Variants in MBTD1 observed in about 807,000 individuals in gnomAD.
MBTD1 encodes the protein mbt domain containing 1, also known as MBT domain-containing protein 1.
A neutral mutation model predicts 87.8 loss-of-function variants in MBTD1; 24 were observed. The observed-to-expected ratio is 0.27, with a 90% CI of 0.20 to 0.38. MBTD1 has a LOEUF of 0.38. MBTD1 is among the 10% of genes least tolerant of loss of function. The pLI is 1.00. For missense variants in MBTD1, 436 were observed against 760.2 expected, an observed-to-expected ratio of 0.57 and a Z score of 5.02; for synonymous variants, 237 against 248.6, an observed-to-expected ratio of 0.95 and a Z score of 0.44.
chr17:51,258,608 T>C (rs2055236903), intron 2 of MBTD1, among the ~76,000 whole-genome samples: 1 of 152,160 alleles, frequency 6.6e-6, no homozygotes, highest in Non-Finnish European at 1.5e-5. Context: ...GCGGTAATCA[T>C]CTAATCATCC....
chr17:51,221,912 T>C (rs2052918918), intron 3 of MBTD1, among the ~76,000 whole-genome samples: 1 of 152,174 alleles, frequency 6.6e-6, no homozygotes, highest in African/African-American at 2.4e-5. Context: ...CTGTACTTAC[T>C]TACAAATCTA....
At chr17:51,257,075 AAAT>A (rs1457224058) in intron 2 of MBTD1, among the ~76,000 whole-genome samples, 2 of 152,394 alleles carry the variant, frequency 1.3e-5, no homozygotes, top group Non-Finnish European at 2.9e-5. Flanking sequence ...GTTTATTAAA[AAAT>A]AATGATTAAA....
chr17:51,189,962 G>T (rs1298413552), intron 16 of MBTD1, among the ~76,000 whole-genome samples: 1 of 152,206 alleles, frequency 6.6e-6, no homozygotes, highest in Non-Finnish European at 1.5e-5. Context: ...TGGGAGGCTT[G>T]TGCCTATAAA....
chr17:51,205,363 C>T (rs144305457), intron 7 of MBTD1, among the ~76,000 whole-genome samples: 4 of 152,224 alleles, frequency 2.6e-5, no homozygotes, highest in African/African-American at 7.2e-5. Context: ...AATGTAAAAT[C>T]GGAGATGGAA....
In MBTD1 at chr17:51,179,954, TAC is replaced by T. The variant is rs1444731742; in HGVS notation, c.*620_*621del. On this transcript the variant is annotated 3_prime_UTR_variant, in exon 17 of 17. Coordinates refer to ENST00000586178, the MANE Select transcript of MBTD1 (RefSeq NM_017643.3). ...AGTATCCAGAGTTCTTCCAGTTTCA[TAC>T]AGAACTCCAAATAAATTTTCACAGA... 1.3e-5 allele frequency: 2 copies of T among 152,184 alleles called. No individual in the cohort carries two copies. The highest frequency in any genetic ancestry group is 2.4e-5 in the African/African-American group (1 of 41,438). 9.4% of individuals were successfully genotyped at this position (152,184 alleles called of 1,614,324 possible). A position where few individuals can be genotyped will look rare whatever the true frequency, so the allele number is the denominator to read the frequency against.
rs375832200 is a variant in MBTD1, at chr17:51,193,488, T to C, written c.1395A>G (p.Lys465=). The C allele has an allele frequency of 6.2e-7, 1 of 1,612,024 alleles. No individual in the cohort carries two copies. The highest frequency in any genetic ancestry group is 8.5e-7 in the Non-Finnish European group (1 of 1,179,100). Residue 465 remains lysine (K), a synonymous_variant, in exon 14 of 17, where the codon AAA becomes AAG. Transcript: ENST00000586178. The part of the protein sequence containing the change: ...PPRGYTKLPF[K]WFDYLRETGS... ...CAGTTTCCCTGAGGTAGTCAAACCA[T>C]TTAAAAGGAAGTTTTGTGTAACCTA... is the stretch of plus-strand genomic sequence containing the variant.
intron 2 of MBTD1, among the ~76,000 whole-genome samples, chr17:51,236,334 C>G (rs978600393): frequency 6.6e-5 from 10 of 152,128 alleles, no homozygotes; most frequent in Admixed American, 5.9e-4. Flanking sequence ...CAACCTTCAC[C>G]TCCTGGGTTC....
At chr17:51,260,175 G>A, upstream of MBTD1, 1 of 384,972 alleles carries the variant, frequency 2.6e-6, no homozygotes, top group Non-Finnish European at 4.6e-6. Flanking sequence ...TCCAAGGACC[G>A]TACCAAGACG....
intron 2 of MBTD1, among the ~76,000 whole-genome samples, chr17:51,228,363 T>C (rs2143774618): frequency 6.6e-6 from 1 of 152,044 alleles, no homozygotes; most frequent in African/African-American, 2.4e-5. Flanking sequence ...CCTGCACAAG[T>C]ACCCATGAAC....
At chr17:51,214,192 C>T (rs776839730) in intron 6 of MBTD1, among the ~76,000 whole-genome samples, 7 of 152,156 alleles carry the variant, frequency 4.6e-5, no homozygotes, top group Admixed American at 6.5e-5. Context: ...GCCTCAAACT[C>T]CTGGCCTCAA....
intron 2 of MBTD1, among the ~76,000 whole-genome samples, chr17:51,236,780 AAAT>A (rs961409270): frequency 6.6e-6 from 1 of 152,162 alleles, no homozygotes; most frequent in Non-Finnish European, 1.5e-5. Context: ...GAGAAAAAAA[AAAT>A]AGTCTTTGAA....
At chr17:51,212,064 A>G (rs1472940810) in intron 6 of MBTD1, among the ~76,000 whole-genome samples, 2 of 152,214 alleles carry the variant, frequency 1.3e-5, no homozygotes, top group African/African-American at 4.8e-5. Flanking sequence ...TGGAGGCAGA[A>G]TGAAAAAGTA....
chr17:51,197,930 C>A (rs1373021997), intron 12 of MBTD1, among the ~76,000 whole-genome samples: 1 of 152,180 alleles, frequency 6.6e-6, no homozygotes, highest in Non-Finnish European at 1.5e-5. Flanking sequence ...CACCTCCAAC[C>A]ATCAAGTTTC....
chr17:51,250,325 C>A (rs1011449094), intron 2 of MBTD1: 1 of 152,112 alleles, frequency 6.6e-6, no homozygotes, highest in Non-Finnish European at 1.5e-5. Flanking sequence ...AATCTTAGTT[C>A]AAAAAGATAT....
intron 2 of MBTD1, among the ~76,000 whole-genome samples, chr17:51,240,208 G>A (rs1051608857): frequency 6.6e-6 from 1 of 152,002 alleles, no homozygotes; most frequent in African/African-American, 2.4e-5. Context: ...TTCCCATATG[G>A]CCCAGTTTCC....
In MBTD1 at chr17:51,195,312, G is replaced by A. The variant is rs1406248210; in HGVS notation, c.1274C>T (p.Ala425Val). Reference sequence around the variant, plus strand: ...GTAACAGAACCAGTCAGATCCGTCTGCTGCTTCTGAGCCATCGATCCCAAT... The same window carrying A: ...GTAACAGAACCAGTCAGATCCGTCTACTGCTTCTGAGCCATCGATCCCAAT... ...LMIGIDGSEA[A>V]DGSDWFCYHA... The change falls in exon 13 of 17, where the codon GCA becomes GTA. Residue 425 changes from alanine to valine, a missense_variant. Ala to Val is a moderately conservative substitution (Grantham distance 64, BLOSUM62 0). Coordinates refer to ENST00000586178, the MANE Select transcript of MBTD1 (RefSeq NM_017643.3). 6.2e-7 allele frequency: 1 copy of A among 1,612,270 alleles called. No individual in the cohort carries two copies. Among genetic ancestry groups the A allele is most frequent in the Non-Finnish European group, 8.5e-7 (1 of 1,179,118 alleles).
At chr17:51,206,774 ATC>A in intron 7 of MBTD1, 112 bp downstream of exon 7, 1 of 693,788 alleles carries the variant, frequency 1.4e-6, no homozygotes, top group Non-Finnish European at 2.5e-6. Flanking sequence ...CCTGCCCTAT[ATC>A]ATAACATATT....
chr17:51,226,466 GCACTC>G (rs1261670279), intron 2 of MBTD1, among the ~76,000 whole-genome samples: 1 of 151,416 alleles, frequency 6.6e-6, no homozygotes, highest in Admixed American at 6.6e-5. Flanking sequence ...TCATGCCACT[GCACTC>G]CAGCCTGTGT....
intron 6 of MBTD1, among the ~76,000 whole-genome samples, chr17:51,209,129 T>C (rs1404703812): frequency 6.6e-6 from 1 of 152,226 alleles, no homozygotes; most frequent in African/African-American, 2.4e-5. Context: ...ATTTCATAGA[T>C]ATGTCTGCCC....
Sources: allele counts gnomAD v4.1 joint callset (sites outside exome capture counted in the v4.1 genomes callset), GRCh38; gene constraint gnomAD v4.1.1; transcripts MANE v1.5; gene names NCBI Gene and HGNC (gene_info 2026-07-23, HGNC 2026-07-21).